BBX: variants seen among roughly 807,000 people sequenced by gnomAD.
The protein encoded by BBX is BBX high mobility group box domain containing, also known as HMG box transcription factor BBX.
In BBX, 30 loss-of-function variants were observed where a neutral mutation model predicts 100.2. That is an observed-to-expected ratio of 0.30 (90% CI 0.22 to 0.41). The LOEUF (loss-of-function observed/expected upper bound fraction) is 0.41, where lower values mean the gene tolerates loss of function less well. Ranked by LOEUF, BBX falls within the 10% of genes least tolerant of loss-of-function variation. The pLI is 1.00. For synonymous variants in BBX, 376 were observed against 388.1 expected (o/e 0.97, Z 0.37); for missense variants, 1,023 against 1,129.8 (o/e 0.91, Z 1.35).
At chr3:107,668,115 A>G (rs2058842555) in intron 3 of BBX, among the ~76,000 whole-genome samples, 1 of 152,180 alleles carries the variant, frequency 6.6e-6, no homozygotes, top group African/African-American at 2.4e-5. Flanking sequence ...ATTGATATTT[A>G]TTTTGAGGAA....
chr3:107,605,442 G>T (rs530131634), intron 2 of BBX, among the ~76,000 whole-genome samples: 45 of 151,980 alleles, frequency 3.0e-4, no homozygotes, highest in African/African-American at 1.1e-3. Context: ...CCCAGTCATG[G>T]ATTTGTTATT....
At chr3:107,760,860 G>C (rs2065843667) in intron 10 of BBX, among the ~76,000 whole-genome samples, 1 of 152,140 alleles carries the variant, frequency 6.6e-6, no homozygotes, top group African/African-American at 2.4e-5. Context: ...TTCAATTCAT[G>C]GCTAATATTT....
chr3:107,768,620 T>A (rs1233387765), intron 10 of BBX, among the ~76,000 whole-genome samples: 1 of 152,096 alleles, frequency 6.6e-6, no homozygotes, highest in East Asian at 1.9e-4. Flanking sequence ...AAGTCTTACA[T>A]CTAAGTGCAA....
At chr3:107,792,946 C>A (rs1340260584) in intron 15 of BBX, among the ~76,000 whole-genome samples, 1 of 152,084 alleles carries the variant, frequency 6.6e-6, no homozygotes, top group East Asian at 1.9e-4. Flanking sequence ...AGAAAGAGCA[C>A]TTACCTGGGA....
chr3:107,742,918 TAAAAG>T (rs1475624684), intron 7 of BBX, among the ~76,000 whole-genome samples: 3 of 152,176 alleles, frequency 2.0e-5, no homozygotes, highest in Non-Finnish European at 4.4e-5. Context: ...AAATGACACT[TAAAAG>T]AAAGTTGAAT....
At chr3:107,592,360 CAAAAA>C (rs398052177) in intron 2 of BBX, among the ~76,000 whole-genome samples, 1 of 74,886 alleles carries the variant, frequency 1.3e-5, no homozygotes, top group Admixed American at 1.9e-4. Context: ...GACCCTGTCT[CAAAAA>C]AAAAAAAAAA....
intron 2 of BBX, among the ~76,000 whole-genome samples, chr3:107,625,571 A>C (rs1190067673): frequency 6.6e-6 from 1 of 152,244 alleles, no homozygotes; most frequent in Non-Finnish European, 1.5e-5. Flanking sequence ...GATGGGAGCC[A>C]CCATGCCTGG....
intron 5 of BBX, among the ~76,000 whole-genome samples, chr3:107,722,355 C>CAGTGAT (rs2062605138): frequency 6.6e-6 from 1 of 151,858 alleles, no homozygotes; most frequent in African/African-American, 2.4e-5. Context: ...TCACTGTCCA[C>CAGTGAT]CTTTTTAAAA....
chr3:107,731,424 C>T (rs1383909416), intron 6 of BBX, among the ~76,000 whole-genome samples: 1 of 152,270 alleles, frequency 6.6e-6, no homozygotes, highest in South Asian at 2.1e-4. Context: ...TCATTTCCCT[C>T]TCTTGATTTT....
At chr3:107,654,338 A>C (rs1403719974) in intron 3 of BBX, among the ~76,000 whole-genome samples, 1 of 152,182 alleles carries the variant, frequency 6.6e-6, no homozygotes, top group East Asian at 1.9e-4. Flanking sequence ...AACAAAAGAT[A>C]TATCTTTCTA....
intron 3 of BBX, among the ~76,000 whole-genome samples, chr3:107,691,700 A>T (rs2060180379): frequency 1.3e-5 from 2 of 152,218 alleles, no homozygotes; most frequent in Admixed American, 1.3e-4. Flanking sequence ...TCATGCATTT[A>T]CAAGTACTAT....
At position 107,586,465 on chromosome 3, in the gene BBX, A is replaced by G. The variant is rs1056997471; in HGVS notation, c.-83-59371A>G. ...TTTTAATGTGAATTAAACAATTTTAATGTTTCATTTAGATGATAAATATAA... is the reference window on the plus strand; with the variant it reads ...TTTTAATGTGAATTAAACAATTTTAGTGTTTCATTTAGATGATAAATATAA... On this transcript the variant is annotated intron_variant, in intron 2 of 17. Coordinates refer to ENST00000325805, the MANE Select transcript of BBX (RefSeq NM_001142568.3). 2.0e-5 allele frequency among the ~76,000 whole-genome samples: 3 copies of G among 152,288 alleles called. No individual in the cohort carries two copies. The South Asian group carries it at 6.2e-4, about 32-fold the overall frequency.
intron 3 of BBX, among the ~76,000 whole-genome samples, chr3:107,695,078 TTCTC>T (rs1398907831): frequency 3.6e-4 from 53 of 145,570 alleles, no homozygotes; most frequent in Non-Finnish European, 5.8e-4. Context: ...TATTTGATTC[TTCTC>T]TCTTTTTTTC....
intron 9 of BBX, 96 bp downstream of exon 9, chr3:107,748,135 A>G (rs2064776779): frequency 2.0e-6 from 2 of 1,001,248 alleles, no homozygotes; most frequent in African/African-American, 1.6e-5. Context: ...AACTTTAGGC[A>G]TGCCTGTTGT....
chr3:107,794,900 G>A (rs1268862997), intron 15 of BBX, among the ~76,000 whole-genome samples: 4 of 152,150 alleles, frequency 2.6e-5, no homozygotes, highest in Admixed American at 2.0e-4. Context: ...AAAACAAGAC[G>A]GTCTCTTATT....
At chr3:107,669,017 C>T (rs1200564929) in intron 3 of BBX, among the ~76,000 whole-genome samples, 2 of 151,974 alleles carry the variant, frequency 1.3e-5, no homozygotes, top group African/African-American at 2.4e-5. Flanking sequence ...AAGGATGAAC[C>T]GTGGACAATG....
At chr3:107,772,186 A>G (rs1164620179) in intron 10 of BBX, among the ~76,000 whole-genome samples, 3 of 152,192 alleles carry the variant, frequency 2.0e-5, no homozygotes, top group African/African-American at 7.2e-5. Flanking sequence ...ACATCGTTTC[A>G]CTTAGACCAC....
rs1415707064 is a variant in BBX at position 107,737,925 on chromosome 3, A to G, written c.669+4902A>G. Among the ~76,000 whole-genome samples the G allele has an allele frequency of 1.1e-4, 3 of 27,160 alleles. No individual in the cohort carries two copies. In the Admixed American group the frequency reaches 1.3e-3, roughly 11 times the overall value. 17.8% of individuals were successfully genotyped at this position (27,160 alleles called of 152,430 possible). A position where few individuals can be genotyped will look rare whatever the true frequency, so the allele number is the denominator to read the frequency against. On this transcript the variant is annotated intron_variant, in intron 7 of 17. Coordinates refer to ENST00000325805, the MANE Select transcript of BBX (RefSeq NM_001142568.3). ...TTTTTTTTTTTTTTTAACTATTTGT[A>G]TGATCCTTACCTTTTGGGCATCCCA... is the stretch of plus-strand genomic sequence containing the variant.
intron 8 of BBX, 85 bp from the exon 9 acceptor site, chr3:107,747,880 C>T: frequency 8.9e-7 from 1 of 1,128,488 alleles, no homozygotes; most frequent in Non-Finnish European, 1.3e-6. Context: ...TTATCAGTGT[C>T]TACAGTTGAA....
Sources: allele counts gnomAD v4.1 joint callset (sites outside exome capture counted in the v4.1 genomes callset), GRCh38; gene constraint gnomAD v4.1.1; transcripts MANE v1.5; gene names NCBI Gene and HGNC (gene_info 2026-07-23, HGNC 2026-07-21).